The following SPOCK3 variants were observed in gnomAD, a reference collection of about 807,000 sequenced individuals.
The protein encoded by SPOCK3 is testican-3.
A neutral mutation model predicts 56.6 loss-of-function variants in SPOCK3; 30 were observed. The observed-to-expected ratio is 0.53, with a 90% confidence interval of 0.40 to 0.72. The LOEUF (loss-of-function observed/expected upper bound fraction) is 0.72. SPOCK3 is among the 30% of genes least tolerant of loss of function. The pLI is 0.00. For synonymous variants in SPOCK3, 196 were observed against 183.3 expected (o/e 1.07, Z -0.56); for missense variants, 527 against 530.0 (o/e 0.99, Z 0.06).
At chr4:166,910,352 A>T (rs1315578367) in intron 5 of SPOCK3, among the ~76,000 whole-genome samples, 2 of 152,126 alleles carry the variant, frequency 1.3e-5, no homozygotes. Flanking sequence ...TTAAAATAAT[A>T]ATTCAAATAT....
intron 4 of SPOCK3, among the ~76,000 whole-genome samples, chr4:166,939,707 C>G (rs2150012914): frequency 6.6e-6 from 1 of 152,292 alleles, no homozygotes; most frequent in Non-Finnish European, 1.5e-5. Context: ...TTGATCTTAT[C>G]TAGTCACCTC....
At chr4:167,014,103 T>C (rs1750359934) in intron 3 of SPOCK3, among the ~76,000 whole-genome samples, 1 of 152,160 alleles carries the variant, frequency 6.6e-6, no homozygotes, top group Non-Finnish European at 1.5e-5. Flanking sequence ...AAATCTCTTG[T>C]AACGTGCCCT....
intron 2 of SPOCK3, among the ~76,000 whole-genome samples, chr4:167,128,686 T>C (rs1263015993): frequency 2.0e-5 from 3 of 152,230 alleles, no homozygotes; most frequent in Admixed American, 6.5e-5. Context: ...ATTTTCGTGA[T>C]ACCTGCCACC....
chr4:166,982,570 T>A (rs1746705428), intron 4 of SPOCK3, among the ~76,000 whole-genome samples: 1 of 151,954 alleles, frequency 6.6e-6, no homozygotes, highest in South Asian at 2.1e-4. Context: ...ATAAATCAAA[T>A]AAATAAAAAA....
chr4:167,224,936 A>G (rs1359630178), intron 2 of SPOCK3, among the ~76,000 whole-genome samples: 1 of 152,206 alleles, frequency 6.6e-6, no homozygotes, highest in Non-Finnish European at 1.5e-5. Flanking sequence ...AAGTGCTGGG[A>G]TTACAGGCAT....
intron 4 of SPOCK3, among the ~76,000 whole-genome samples, chr4:166,951,768 C>A (rs902702440): frequency 6.6e-6 from 1 of 150,450 alleles, no homozygotes; most frequent in Admixed American, 6.6e-5. Context: ...GGATGCAAGG[C>A]GGGTTCAATA....
intron 2 of SPOCK3, among the ~76,000 whole-genome samples, chr4:167,191,237 A>T (rs1226326072): frequency 4.1e-5 from 6 of 145,662 alleles, no homozygotes; most frequent in Non-Finnish European, 9.0e-5. Flanking sequence ...GATATTTTAA[A>T]TTTTTTTATT....
intron 7 of SPOCK3, among the ~76,000 whole-genome samples, chr4:166,762,397 A>C (rs1235441163): frequency 6.6e-6 from 1 of 152,108 alleles, no homozygotes; most frequent in Non-Finnish European, 1.5e-5. Context: ...CTTGATCCAA[A>C]GTATAAAAGG....
intron 7 of SPOCK3, among the ~76,000 whole-genome samples, chr4:166,775,865 A>G (rs1739469068): frequency 6.6e-6 from 1 of 152,216 alleles, no homozygotes; most frequent in Non-Finnish European, 1.5e-5. Context: ...AGTGGGGCAC[A>G]CGCATGAAGA....
intron 4 of SPOCK3, among the ~76,000 whole-genome samples, chr4:166,995,821 A>T (rs1748308408): frequency 6.6e-6 from 1 of 152,132 alleles, no homozygotes; most frequent in Admixed American, 6.6e-5. Context: ...CATATTCCAT[A>T]GAAGTTAAAT....
chr4:166,744,701 G>T (rs1376326032), intron 8 of SPOCK3, among the ~76,000 whole-genome samples: 2 of 152,104 alleles, frequency 1.3e-5, no homozygotes, highest in Non-Finnish European at 2.9e-5. Context: ...GATAAGGGAG[G>T]ATGTTCGAAC....
chr4:166,766,222 A>G (rs1738021439), intron 7 of SPOCK3, among the ~76,000 whole-genome samples: 1 of 152,142 alleles, frequency 6.6e-6, no homozygotes, highest in South Asian at 2.1e-4. Flanking sequence ...TTCCAACACT[A>G]TGTTGAATAG....
chr4:167,047,444 C>A, intron 3 of SPOCK3, among the ~76,000 whole-genome samples: 1 of 152,100 alleles, frequency 6.6e-6, no homozygotes, highest in East Asian at 1.9e-4. Context: ...TTTCTTTTTG[C>A]AAAGGCCAAA....
At chr4:167,174,213 C>T (rs999142486) in intron 2 of SPOCK3, among the ~76,000 whole-genome samples, 14 of 151,660 alleles carry the variant, frequency 9.2e-5, no homozygotes, top group Non-Finnish European at 1.5e-4. Context: ...ATGATTTGTC[C>T]AGTACAAGAA....
At chr4:166,792,122 A>C (rs1560862069) in intron 7 of SPOCK3, 48 bp downstream of exon 7, 4 of 1,609,070 alleles carry the variant, frequency 2.5e-6, no homozygotes, top group Non-Finnish European at 3.4e-6. Flanking sequence ...ATTGGAAATA[A>C]AACTTCATAA....
chr4:167,150,668 T>A (rs1764338619), intron 2 of SPOCK3, among the ~76,000 whole-genome samples: 1 of 152,190 alleles, frequency 6.6e-6, no homozygotes, highest in Non-Finnish European at 1.5e-5. Flanking sequence ...GAGATGAATA[T>A]TTGATATTAC....
intron 4 of SPOCK3, among the ~76,000 whole-genome samples, chr4:166,930,488 TA>T (rs35331837): frequency 0.36 from 53,371 of 148,436 alleles, 10,262 homozygotes; most frequent in East Asian, 0.7. Flanking sequence ...CTACCCTTGT[TA>T]AAAAAAAAAA....
rs144696327 is a variant in SPOCK3 at position 167,083,018 on chromosome 4, C to T, written c.190-20481G>A. On this transcript the variant is annotated intron_variant, in intron 2 of 10. Coordinates refer to ENST00000357545, the MANE Select transcript of SPOCK3 (RefSeq NM_001040159.2). ...CAGATAAGCCATAATGTTCTCCTGT[C>T]GGATATTAACAATCTTAAAGAACAT... Among the ~76,000 whole-genome samples, 1,063 of 152,034 alleles carry T rather than the reference C, an allele frequency of 7.0e-3. 18 individuals carry two copies. Among genetic ancestry groups the T allele is most frequent in the African/African-American group, 0.024 (1,000 of 41,496 alleles).
intron 2 of SPOCK3, among the ~76,000 whole-genome samples, chr4:167,221,645 T>G (rs1735927307): frequency 6.6e-6 from 1 of 152,168 alleles, no homozygotes; most frequent in Non-Finnish European, 1.5e-5. Context: ...GGTAAAGGAC[T>G]TGAGCAGACA....
Sources: gnomAD v4.1 joint callset for allele counts (sites outside exome capture counted in the v4.1 genomes callset) on GRCh38, gnomAD v4.1.1 for gene constraint, MANE v1.5 for transcripts, NCBI Gene and HGNC (gene_info 2026-07-23, HGNC 2026-07-21) for gene names.